COL23A1: variants seen among roughly 807,000 people sequenced by gnomAD.
The protein encoded by COL23A1 is collagen type XXIII alpha 1 chain, also known as collagen alpha-1(XXIII) chain.
A neutral mutation model predicts 99.3 loss-of-function variants in COL23A1; 97 were observed. The observed-to-expected ratio is 0.98, with a 90% CI of 0.83 to 1.16. COL23A1 has a LOEUF of 1.16. Ranked by LOEUF, COL23A1 falls within the 50% of genes most tolerant of loss-of-function variation. The pLI, the probability that COL23A1 is intolerant of heterozygous loss-of-function variation, is 0.00. For missense variants in COL23A1, 762 were observed against 757.4 expected (o/e 1.01, Z -0.07); for synonymous variants, 320 against 308.2 (o/e 1.04, Z -0.40).
In COL23A1 at chr5:178,365,136, C is replaced by CGTGTGCGTGT. The variant is rs1554147541; in HGVS notation, c.362-58218_362-58217insACACGCACAC. 1.4e-5 allele frequency among the ~76,000 whole-genome samples: 2 copies of CGTGTGCGTGT among 147,804 alleles called. No individual in the cohort carries two copies. ...GGGCTTTATGATGTTGCTGTGTGTG[C>CGTGTGCGTGT]GTGTGTGTGTGTGTGTGTGTGTGTG... is the stretch of plus-strand genomic sequence containing the variant. On this transcript the variant is annotated intron_variant, in intron 2 of 28. Transcript: ENST00000390654. This position sits in a 1 kb window ranked among gnomAD's most constrained non-coding sequence, Gnocchi z 5.2.
chr5:178,286,371 T>A (rs1416973040), intron 5 of COL23A1, among the ~76,000 whole-genome samples: 1 of 151,972 alleles, frequency 6.6e-6, no homozygotes, highest in Non-Finnish European at 1.5e-5. Context: ...CCCGCGGGGC[T>A]CCACACACAT....
chr5:178,358,033 T>TGTGTATGC (rs1761831822), intron 2 of COL23A1, among the ~76,000 whole-genome samples: 1 of 147,632 alleles, frequency 6.8e-6, no homozygotes, highest in Non-Finnish European at 1.5e-5. Context: ...TGTATGCGTA[T>TGTGTATGC]GTGTATGTGT....
intron 2 of COL23A1, among the ~76,000 whole-genome samples, chr5:178,528,543 G>C (rs1412785956): frequency 6.6e-6 from 1 of 152,256 alleles, no homozygotes. Context: ...GCCGGGCGCA[G>C]TGGCTCACGC....
chr5:178,545,639 T>G (rs80261175), intron 2 of COL23A1, among the ~76,000 whole-genome samples: 37 of 152,094 alleles, frequency 2.4e-4, no homozygotes, highest in African/African-American at 8.4e-4. Context: ...TCTCCATGAT[T>G]GAGCAGAAGG....
At chr5:178,515,404 T>C (rs1759446517) in intron 2 of COL23A1, among the ~76,000 whole-genome samples, 1 of 152,204 alleles carries the variant, frequency 6.6e-6, no homozygotes, top group African/African-American at 2.4e-5. Context: ...ACAGAATCAC[T>C]GCAGAGGTTT....
rs576430102 is a variant in COL23A1, at chr5:178,411,420, CA to C, written c.362-104502del. The stretch of plus-strand genomic sequence containing the variant: ...GCCCATCAAAAGATGAATAGGTAAA[CA>C]AACTGTGATACACACATGGAATGAA... On this transcript the variant is annotated intron_variant, in intron 2 of 28. Coordinates refer to ENST00000390654, the MANE Select transcript of COL23A1 (RefSeq NM_173465.4). 2.6e-3 allele frequency among the ~76,000 whole-genome samples: 394 copies of C among 152,060 alleles called. 2 individuals are homozygous for C. The highest frequency in any genetic ancestry group is 4.3e-3 in the Non-Finnish European group (292 of 67,972).
At chr5:178,502,190 G>GTA (rs1758581794) in intron 2 of COL23A1, among the ~76,000 whole-genome samples, 1 of 152,210 alleles carries the variant, frequency 6.6e-6, no homozygotes, top group East Asian at 1.9e-4. Context: ...GGAGTGCAGT[G>GTA]GCGTGATCTC....
intron 21 of COL23A1, 67 bp from the exon 22 acceptor site, chr5:178,247,619 C>T: frequency 1.9e-6 from 3 of 1,595,752 alleles, no homozygotes; most frequent in Non-Finnish European, 2.6e-6. Flanking sequence ...CTCACTGGCC[C>T]CTGGGGCCCT....
intron 27 of COL23A1, 123 bp downstream of exon 27, chr5:178,241,919 G>A (rs1034862777): frequency 1.6e-5 from 11 of 703,148 alleles, no homozygotes; most frequent in African/African-American, 1.4e-4. Flanking sequence ...AGTGAGGAAG[G>A]CCAGTGCGTG....
chr5:178,523,964 G>A (rs1416514210), intron 2 of COL23A1, among the ~76,000 whole-genome samples: 2 of 152,146 alleles, frequency 1.3e-5, no homozygotes, highest in African/African-American at 2.4e-5. Context: ...TCCTTTTCAT[G>A]ATCTCTGACA....
At chr5:178,568,649 A>G (rs1762947210) in intron 1 of COL23A1, among the ~76,000 whole-genome samples, 2 of 152,212 alleles carry the variant, frequency 1.3e-5, no homozygotes, top group African/African-American at 4.8e-5. Flanking sequence ...GGATTTATCT[A>G]TTCTGTATAT....
intron 2 of COL23A1, among the ~76,000 whole-genome samples, chr5:178,488,779 G>C (rs897946534): frequency 6.6e-6 from 1 of 152,208 alleles, no homozygotes; most frequent in Non-Finnish European, 1.5e-5. Flanking sequence ...GGCACCAGAC[G>C]AGAGTTCTGG....
chr5:178,277,878 G>T (rs1756679435), intron 5 of COL23A1, among the ~76,000 whole-genome samples: 1 of 152,216 alleles, frequency 6.6e-6, no homozygotes, highest in Non-Finnish European at 1.5e-5. Context: ...TCATTAAGGT[G>T]GCAGAGAGGA....
At chr5:178,396,838 C>G (rs1002152231) in intron 2 of COL23A1, among the ~76,000 whole-genome samples, 12 of 151,732 alleles carry the variant, frequency 7.9e-5, no homozygotes, top group African/African-American at 2.9e-4. Context: ...GGCTGTCCTC[C>G]GAGAGTCTCT....
chr5:178,267,517 C>T (rs1473281511), intron 7 of COL23A1, among the ~76,000 whole-genome samples, 184 bp from the exon 8 acceptor site: 2 of 152,222 alleles, frequency 1.3e-5, no homozygotes, highest in Non-Finnish European at 2.9e-5. Context: ...GCCACTTAAC[C>T]TGCTCAAGGT....
intron 2 of COL23A1, among the ~76,000 whole-genome samples, chr5:178,530,555 G>T (rs890923989): frequency 6.6e-6 from 1 of 152,210 alleles, no homozygotes; most frequent in Non-Finnish European, 1.5e-5. Context: ...CAGTGATACT[G>T]CATGGCTTCC....
chr5:178,269,296 C>T (rs996249328), intron 6 of COL23A1, among the ~76,000 whole-genome samples: 2 of 146,726 alleles, frequency 1.4e-5, no homozygotes. Context: ...GTCATCCATC[C>T]ATCCATCCAT....
At chr5:178,420,712 T>C (rs56813275) in intron 2 of COL23A1, among the ~76,000 whole-genome samples, 81 of 118,698 alleles carry the variant, frequency 6.8e-4, no homozygotes, top group African/African-American at 2.6e-3. Flanking sequence ...CTCCCTGAGA[T>C]GTGACTCTGT....
At chr5:178,558,604 A>G (rs962146567) in intron 2 of COL23A1, among the ~76,000 whole-genome samples, 2 of 152,164 alleles carry the variant, frequency 1.3e-5, no homozygotes, top group Non-Finnish European at 2.9e-5. Context: ...GCAACCCACT[A>G]AACGGATTTG....
Sources: gnomAD v4.1 joint callset for allele counts (sites outside exome capture counted in the v4.1 genomes callset) on GRCh38, gnomAD v4.1.1 for gene constraint, Gnocchi (gnomAD v3.1) non-coding constraint, MANE v1.5 for transcripts, NCBI Gene and HGNC (gene_info 2026-07-23, HGNC 2026-07-21) for gene names.